Variants in RAMAC observed in about 807,000 individuals in gnomAD.
RAMAC encodes RNA guanine-7 methyltransferase activating subunit.
In RAMAC, 11 loss-of-function variants were observed where a neutral mutation model predicts 17.9. That is an observed-to-expected ratio of 0.61 (90% CI 0.39 to 1.02). RAMAC has a LOEUF of 1.02. Ranked by LOEUF, RAMAC falls within the 50% of genes least tolerant of loss-of-function variation. The probability of loss-of-function intolerance (pLI) is 0.01; values close to 1 mark genes in which losing one functional copy is unlikely to be tolerated. For synonymous variants in RAMAC, 27 were observed against 48.4 expected, an observed-to-expected ratio of 0.56 and a Z score of 1.84; for missense variants, 109 against 144.0, an observed-to-expected ratio of 0.76 and a Z score of 1.25.
chr15:82,989,088 A>C lies in RAMAC; in HGVS notation c.70A>C (p.Lys24Gln), dbSNP rs1419752965. The C allele has an allele frequency of 2.5e-6, 4 of 1,613,928 alleles. No homozygotes were observed. Residue 24 changes from lysine to glutamine, a missense_variant, in exon 3 of 4, where the codon AAG becomes CAG. Physicochemically the swap from Lys to Gln is moderately conservative, Grantham distance 53. Coordinates refer to ENST00000304191, the MANE Select transcript of RAMAC (RefSeq NM_031452.4). ...MFASRFTEND[K>Q]EYQEYLKRPP... Reference sequence around the variant, plus strand: ...TGCTAGTAGATTCACAGAAAATGACAAGGAGTATCAGGAATACCTGAAACG... The same window carrying C: ...TGCTAGTAGATTCACAGAAAATGACCAGGAGTATCAGGAATACCTGAAACG...
At position 82,989,014 on chromosome 15, in the gene RAMAC, T is replaced by C; in HGVS notation, c.-5T>C. On this transcript the variant is annotated 5_prime_UTR_variant, in exon 3 of 4. Transcript: ENST00000304191. ...AATGTCTTTAAAATTGTACAGATTT[T>C]CAGAATGACTGACACTGCCGAAGCT... 2 of 1,597,948 alleles carry C rather than the reference T, an allele frequency of 1.3e-6. No homozygotes were observed. The highest frequency in any genetic ancestry group is 1.7e-6 in the Non-Finnish European group (2 of 1,173,626).
chr15:82,990,996 G>T lies in RAMAC; in HGVS notation c.*929G>T. ...TCATTCTATTTCAAATCACTTTAAT[G>T]ATTATTACAATGATTTCATTCAAAT... On this transcript the variant is annotated 3_prime_UTR_variant, in exon 4 of 4. Transcript: ENST00000304191. 5.2e-6 allele frequency: 1 copy of T among 193,514 alleles called. No individual in the cohort carries two copies. Among genetic ancestry groups the T allele is most frequent in the Non-Finnish European group, 1.0e-5 (1 of 95,714 alleles). 12.0% of individuals were successfully genotyped at this position (193,514 alleles called of 1,614,324 possible).
At chr15:82,987,216 C>T (rs2030654898) in intron 1 of RAMAC, 120 bp from the exon 2 acceptor site, 1 of 152,246 alleles carries the variant, frequency 6.6e-6, no homozygotes, top group South Asian at 2.1e-4. Context: ...CGCGCCTGGC[C>T]TTAGAGCACT....
rs2030747994 is a variant in RAMAC at position 82,989,093 on chromosome 15, G to A, written c.75G>A (p.Glu25=). The stretch of plus-strand genomic sequence containing the variant: ...GTAGATTCACAGAAAATGACAAGGA[G>A]TATCAGGAATACCTGAAACGCCCTC... The part of the protein sequence containing the change: ...FASRFTENDK[E]YQEYLKRPPE... Residue 25 remains glutamate, a synonymous_variant, in exon 3 of 4, where the codon GAG becomes GAA. Transcript: ENST00000304191. The A allele has an allele frequency of 6.2e-7, 1 of 1,613,910 alleles. No individual in the cohort carries two copies. Among genetic ancestry groups the A allele is most frequent in the Non-Finnish European group, 8.5e-7 (1 of 1,179,848 alleles).
chr15:82,988,878 C>A, intron 2 of RAMAC, 132 bp from the exon 3 acceptor site: 6 of 721,072 alleles, frequency 8.3e-6, no homozygotes, highest in Non-Finnish European at 1.3e-5. Flanking sequence ...TAAAATATGA[C>A]ATGTCTGAAA....
Position 82,989,898 on chromosome 15 carries a change from A to T in RAMAC, c.188A>T (p.Gln63Leu). The change falls in exon 4 of 4, where the codon CAG becomes CTG. Residue 63 changes from glutamine (Q) to leucine (L), a missense_variant. Coordinates refer to ENST00000304191, the MANE Select transcript of RAMAC (RefSeq NM_031452.4). ...TGTTGTAGGTTGCAAGACAACAGAC[A>T]GTTCAGAGGCAGGGACAACAGATGG... ...NRGNRLQDNR[Q>L]FRGRDNRWGW... The T allele has an allele frequency of 5.0e-6, 8 of 1,612,518 alleles. No individual in the cohort carries two copies. The highest frequency in any genetic ancestry group is 6.8e-6 in the Non-Finnish European group (8 of 1,179,386).
chr15:82,988,769 G>T, intron 2 of RAMAC: 2 of 483,036 alleles, frequency 4.1e-6, no homozygotes, highest in South Asian at 1.8e-5. Flanking sequence ...GGGAAGTCAA[G>T]GCTGCAGTGA....
At chr15:82,988,669 CA>C in intron 2 of RAMAC, 4 of 444,058 alleles carry the variant, frequency 9.0e-6, no homozygotes, top group East Asian at 7.5e-5. Context: ...CCCGTCTCTT[CA>C]AAAAATACGA....
In RAMAC at chr15:82,990,934, TATAA is replaced by T. The variant is rs913194011; in HGVS notation, c.*871_*874del. ...TGCATACCTCTGCTGCTTTCTCTCC[TATAA>T]ATAGTGATGCTATAAACTTCCTTTC... is the stretch of plus-strand genomic sequence containing the variant. On this transcript the variant is annotated 3_prime_UTR_variant, in exon 4 of 4. Transcript: ENST00000304191. 2.0e-5 allele frequency: 6 copies of T among 306,620 alleles called. No individual in the cohort carries two copies. Among genetic ancestry groups the T allele is most frequent in the South Asian group, 1.1e-4 (1 of 8,730 alleles). The allele number at this position is 306,620 out of a possible 1,614,324, so 19.0% of individuals were successfully genotyped here.
At position 82,989,075 on chromosome 15, in the gene RAMAC, C is replaced by G. The variant is rs2030746978; in HGVS notation, c.57C>G (p.Phe19Leu). The G allele has an allele frequency of 6.2e-7, 1 of 1,613,604 alleles. No homozygotes were observed. The highest frequency in any genetic ancestry group is 1.3e-5 in the African/African-American group (1 of 74,878). Residue 19 changes from phenylalanine (F) to leucine (L), a missense_variant, in exon 3 of 4, where the codon TTC becomes TTG. By Grantham distance (22) the Phe-to-Leu change is conservative. Coordinates refer to ENST00000304191, the MANE Select transcript of RAMAC (RefSeq NM_031452.4). ...TTGAAGAGATGTTTGCTAGTAGATT[C>G]ACAGAAAATGACAAGGAGTATCAGG... ...PKFEEMFASRFTENDKEYQEY... is the reference protein window; with the variant it reads ...PKFEEMFASRLTENDKEYQEY...
At chr15:82,987,741 G>T (rs868455332) in intron 2 of RAMAC, among the ~76,000 whole-genome samples, 1 of 152,178 alleles carries the variant, frequency 6.6e-6, no homozygotes, top group Non-Finnish European at 1.5e-5. Flanking sequence ...GCAATAGCCT[G>T]AAAGATAAGA....
intron 3 of RAMAC, 104 bp from the exon 4 acceptor site, chr15:82,989,777 T>C (rs549785433): frequency 9.5e-6 from 13 of 1,370,238 alleles, no homozygotes; most frequent in African/African-American, 1.5e-5. Flanking sequence ...TTTAGTCTTA[T>C]TTATTGTGTA....
In RAMAC at chr15:82,989,598, A is replaced by G. The variant is rs185495151; in HGVS notation, c.171-283A>G. 3.7e-3 allele frequency among the ~76,000 whole-genome samples: 560 copies of G among 152,296 alleles called. 7 individuals are homozygous for G. Among genetic ancestry groups the G allele is most frequent in the African/African-American group, 0.012 (492 of 41,570 alleles). The stretch of plus-strand genomic sequence containing the variant: ...AGTCAAAGGAATAAATTACCATACC[A>G]TTTTTGTACAATTGAATAGATTTCA... On this transcript the variant is annotated intron_variant, in intron 3 of 3. Transcript: ENST00000304191.
At chr15:82,988,627 C>A in intron 2 of RAMAC, 1 of 396,422 alleles carries the variant, frequency 2.5e-6, no homozygotes, top group Admixed American at 2.9e-5. Context: ...CACCGAAGCC[C>A]AAGACTTCCA....
Position 82,990,987 on chromosome 15 carries a change from C to A in RAMAC, c.*920C>A. 4.8e-6 allele frequency: 1 copy of A among 206,242 alleles called. No individual in the cohort carries two copies. Among genetic ancestry groups the A allele is most frequent in the Non-Finnish European group, 9.6e-6 (1 of 103,852 alleles). The allele number at this position is 206,242 out of a possible 1,614,324, so 12.8% of individuals were successfully genotyped here. A position where few individuals can be genotyped will look rare whatever the true frequency, so the allele number is the denominator to read the frequency against. The stretch of plus-strand genomic sequence containing the variant: ...TCACAGAGATCATTCTATTTCAAAT[C>A]ACTTTAATGATTATTACAATGATTT... On this transcript the variant is annotated 3_prime_UTR_variant, in exon 4 of 4. Transcript: ENST00000304191.
At position 82,986,268 on chromosome 15, in the gene RAMAC, T is replaced by G. The variant is rs1165947635; in HGVS notation, c.-160T>G. ...GTTACATTGGAGAACTGGAGTGGTC[T>G]GGAGTTCCACGGTGTAGTGGACCAG... is the stretch of plus-strand genomic sequence containing the variant. On this transcript the variant is annotated 5_prime_UTR_variant, in exon 1 of 4. Transcript: ENST00000304191. The G allele has an allele frequency of 5.2e-6, 1 of 190,792 alleles. No homozygotes were observed. 11.8% of individuals were successfully genotyped at this position (190,792 alleles called of 1,614,324 possible). A position where few individuals can be genotyped will look rare whatever the true frequency, so the allele number is the denominator to read the frequency against.
chr15:82,990,238 C>A lies in RAMAC; in HGVS notation c.*171C>A. 3.5e-6 allele frequency: 1 copy of A among 285,426 alleles called. No individual in the cohort carries two copies. Among genetic ancestry groups the A allele is most frequent in the Non-Finnish European group, 5.7e-6 (1 of 175,858 alleles). The allele number at this position is 285,426 out of a possible 1,614,324, so 17.7% of individuals were successfully genotyped here. A position where few individuals can be genotyped will look rare whatever the true frequency, so the allele number is the denominator to read the frequency against. The stretch of plus-strand genomic sequence containing the variant: ...TCTTACTTGCGAAATGCGATGGTTG[C>A]TGGGAATACCTGAAACTGTGGATTA... On this transcript the variant is annotated 3_prime_UTR_variant, in exon 4 of 4. Coordinates refer to ENST00000304191, the MANE Select transcript of RAMAC (RefSeq NM_031452.4).
Position 82,988,978 on chromosome 15 carries a change from T to G in RAMAC, c.-9-32T>G, listed in dbSNP as rs1286849615. ...GGAGAGAGTGTTAATTTTTAAATTT[T>G]TTTTAATGGAAATGTCTTTAAAATT... On this transcript the variant is annotated intron_variant, in intron 2 of 3. Coordinates refer to ENST00000304191, the MANE Select transcript of RAMAC (RefSeq NM_031452.4). 7 of 1,541,416 alleles carry G rather than the reference T, an allele frequency of 4.5e-6. 1 individual carries two copies. The South Asian group carries it at 8.8e-5, about 19-fold the overall frequency.
chr15:82,990,727 C>T lies in RAMAC; in HGVS notation c.*660C>T. ...TGGTGGTTGGGATAAGGGTACACAT[C>T]ATTTTATACAAACACTAAAGCTTTT... On this transcript the variant is annotated 3_prime_UTR_variant, in exon 4 of 4. Transcript: ENST00000304191. The T allele has an allele frequency of 7.9e-7, 1 of 1,258,988 alleles. No homozygotes were observed. Among genetic ancestry groups the T allele is most frequent in the Non-Finnish European group, 1.1e-6 (1 of 886,638 alleles). The allele number at this position is 1,258,988 out of a possible 1,614,324, so 78.0% of individuals were successfully genotyped here.
Sources: gnomAD v4.1 joint callset for allele counts (sites outside exome capture counted in the v4.1 genomes callset) on GRCh38, gnomAD v4.1.1 for gene constraint, MANE v1.5 for transcripts, NCBI Gene and HGNC (gene_info 2026-07-23, HGNC 2026-07-21) for gene names.